Variants in TMEM132B observed in about 807,000 individuals in gnomAD.
TMEM132B encodes the protein transmembrane protein 132B.
A neutral mutation model predicts 90.8 loss-of-function variants in TMEM132B; 18 were observed. The ratio of observed to expected loss-of-function variants is 0.20; its 90% CI spans 0.14 to 0.29. The LOEUF is 0.29. TMEM132B is among the 10% of genes least tolerant of loss of function. TMEM132B has a pLI of 1.00. For missense variants in TMEM132B, 1,096 were observed against 1,326.8 expected (o/e 0.83, Z 2.70); for synonymous variants, 504 against 523.3 (o/e 0.96, Z 0.50).
At chr12:125,521,783 G>C (rs1883313295) in intron 4 of TMEM132B, among the ~76,000 whole-genome samples, 1 of 152,164 alleles carries the variant, frequency 6.6e-6, no homozygotes, top group Non-Finnish European at 1.5e-5. Flanking sequence ...GAATTACCTG[G>C]CTTCTGCCTC....
At chr12:125,264,110 G>A (rs2136112537) in intron 1 of TMEM132B, among the ~76,000 whole-genome samples, 1 of 152,274 alleles carries the variant, frequency 6.6e-6, no homozygotes, top group East Asian at 1.9e-4. Context: ...GCTTTTTCCA[G>A]CTTCTAGAGG....
At chr12:125,538,938 A>G (rs1592982137) in intron 4 of TMEM132B, among the ~76,000 whole-genome samples, 1 of 152,036 alleles carries the variant, frequency 6.6e-6, no homozygotes, top group Non-Finnish European at 1.5e-5. Flanking sequence ...TCCAAAATAT[A>G]CCCAGAGTTC....
rs546284406 is a variant in TMEM132B, at chr12:125,435,177, T to A, written c.1106+19500T>A. Among the ~76,000 whole-genome samples the A allele has an allele frequency of 2.0e-5, 3 of 152,228 alleles. No homozygotes were observed. In the South Asian group the frequency reaches 6.2e-4, roughly 32 times the overall value. Reference sequence around the variant, plus strand: ...TCCAAAATGAAACTGAGGACTGAAATGTGTGACCGTGAAACCCCCATCTCA... The same window carrying A: ...TCCAAAATGAAACTGAGGACTGAAAAGTGTGACCGTGAAACCCCCATCTCA... On this transcript the variant is annotated intron_variant, in intron 3 of 8. Coordinates refer to ENST00000682704, the MANE Select transcript of TMEM132B (RefSeq NM_001366854.1).
chr12:125,639,089 G>A (rs1201721621), intron 5 of TMEM132B, among the ~76,000 whole-genome samples: 1 of 152,172 alleles, frequency 6.6e-6, no homozygotes, highest in Admixed American at 6.5e-5. Context: ...GAAGGTATCA[G>A]TTAGATGAAT....
intron 3 of TMEM132B, among the ~76,000 whole-genome samples, chr12:125,517,326 GATTTTTTTTTTTTTTTTTTTTTT>G (rs1433404269): frequency 0.25 from 21,769 of 87,998 alleles, 2,902 homozygotes; most frequent in Non-Finnish European, 0.34. Flanking sequence ...ATGCCCTGCT[GATTTTTTTTTTTTTTTTTTTTTT>G]TTTTTTTTTT....
At chr12:125,334,340 C>G (rs1272312877) in intron 1 of TMEM132B, among the ~76,000 whole-genome samples, 1 of 152,158 alleles carries the variant, frequency 6.6e-6, no homozygotes, top group Non-Finnish European at 1.5e-5. Context: ...CTCATCTCAC[C>G]TCTTGATACT....
rs562016461 is a variant in TMEM132B at position 125,450,510 on chromosome 12, G to A, written c.1106+34833G>A. On this transcript the variant is annotated intron_variant, in intron 3 of 8. Coordinates refer to ENST00000682704, the MANE Select transcript of TMEM132B (RefSeq NM_001366854.1). ...TAAGCACATAAATAAATCGTGATAG[G>A]AGAGTGACTTTTTGGCTTTCTCTTG... is the stretch of plus-strand genomic sequence containing the variant. Among the ~76,000 whole-genome samples the A allele has an allele frequency of 4.6e-5, 7 of 152,098 alleles. No homozygotes were observed. The South Asian group carries it at 1.2e-3, about 27-fold the overall frequency.
intron 1 of TMEM132B, among the ~76,000 whole-genome samples, chr12:125,310,519 A>G (rs971028906): frequency 2.0e-5 from 3 of 152,104 alleles, no homozygotes; most frequent in Non-Finnish European, 4.4e-5. Context: ...CAGCAGGGAA[A>G]CTTGGGCTTG....
intron 4 of TMEM132B, among the ~76,000 whole-genome samples, chr12:125,570,795 T>C (rs1156810310): frequency 2.0e-5 from 3 of 152,126 alleles, no homozygotes; most frequent in Non-Finnish European, 2.9e-5. Context: ...AAATCAGAAG[T>C]CAAGGTGTCT....
intron 1 of TMEM132B, among the ~76,000 whole-genome samples, chr12:125,249,787 T>G (rs189969971): frequency 6.6e-6 from 1 of 152,354 alleles, no homozygotes. Flanking sequence ...GCTCGTGGTC[T>G]GACAATGGGA....
chr12:125,347,778 T>C (rs1454288705), intron 1 of TMEM132B, among the ~76,000 whole-genome samples: 1 of 152,232 alleles, frequency 6.6e-6, no homozygotes, highest in African/African-American at 2.4e-5. Flanking sequence ...CCCTGGTTCC[T>C]GGTGGGCTGT....
chr12:125,207,595 T>G (rs1478224266), intron 1 of TMEM132B, among the ~76,000 whole-genome samples: 1 of 152,138 alleles, frequency 6.6e-6, no homozygotes, highest in Non-Finnish European at 1.5e-5. Flanking sequence ...ATAACAAAAT[T>G]TACCATCTTA....
At position 125,277,524 on chromosome 12, in the gene TMEM132B, C is replaced by G. The variant is rs1875028300; in HGVS notation, c.68-71928C>G. Among the ~76,000 whole-genome samples, 1 of 151,302 alleles carries G rather than the reference C, an allele frequency of 6.6e-6. No homozygotes were observed. The highest frequency in any genetic ancestry group is 1.5e-5 in the Non-Finnish European group (1 of 67,864). Reference sequence around the variant, plus strand: ...GAGAACACACACACACACACACACACACACATACACACACACACGGGAAGG... The same window carrying G: ...GAGAACACACACACACACACACACAGACACATACACACACACACGGGAAGG... On this transcript the variant is annotated intron_variant, in intron 1 of 8. Transcript: ENST00000682704. The surrounding 1 kb of genome is among the most constrained non-coding windows in gnomAD (Gnocchi z 4.3).
At chr12:125,577,864 G>C (rs944680313) in intron 4 of TMEM132B, among the ~76,000 whole-genome samples, 6 of 151,834 alleles carry the variant, frequency 4.0e-5, no homozygotes, top group Admixed American at 3.9e-4. Context: ...TTGAAACATT[G>C]GTTGTTTAAA....
chr12:125,393,286 T>C (rs1879078745), intron 2 of TMEM132B, among the ~76,000 whole-genome samples: 1 of 152,226 alleles, frequency 6.6e-6, no homozygotes, highest in East Asian at 1.9e-4. Context: ...GTGGGAATGA[T>C]ACAAAAACCT....
At chr12:125,402,925 C>T (rs978783313) in intron 2 of TMEM132B, among the ~76,000 whole-genome samples, 13 of 152,212 alleles carry the variant, frequency 8.5e-5, no homozygotes, top group African/African-American at 2.6e-4. Context: ...GGTTCCTGCT[C>T]ATTGGCCCCT....
At chr12:125,448,433 G>C (rs1881062401) in intron 3 of TMEM132B, among the ~76,000 whole-genome samples, 1 of 152,108 alleles carries the variant, frequency 6.6e-6, no homozygotes, top group Non-Finnish European at 1.5e-5. Flanking sequence ...TTTATAGATT[G>C]AATGGATCTT....
At chr12:125,232,149 T>C (rs1161614884) in intron 1 of TMEM132B, among the ~76,000 whole-genome samples, 1 of 152,216 alleles carries the variant, frequency 6.6e-6, no homozygotes, top group East Asian at 1.9e-4. Flanking sequence ...TTATAATTTA[T>C]TTTAAAAAAT....
Position 125,406,446 on chromosome 12 carries a change from AC to A in TMEM132B, c.960-9083del, listed in dbSNP as rs962321583. 6.6e-6 allele frequency among the ~76,000 whole-genome samples: 1 copy of A among 152,170 alleles called. No individual in the cohort carries two copies. The highest frequency in any genetic ancestry group is 1.5e-5 in the Non-Finnish European group (1 of 68,022). On this transcript the variant is annotated intron_variant, in intron 2 of 8. Coordinates refer to ENST00000682704, the MANE Select transcript of TMEM132B (RefSeq NM_001366854.1). The surrounding 1 kb of genome is among the most constrained non-coding windows in gnomAD (Gnocchi z 8.3). ...GTTCTTTTTCTACTGTGAAATGGGT[AC>A]CGGGGAAAGGTGAGCCACAGTCTCA... is the stretch of plus-strand genomic sequence containing the variant.
Sources: gnomAD v4.1 joint callset for allele counts (sites outside exome capture counted in the v4.1 genomes callset) on GRCh38, gnomAD v4.1.1 for gene constraint, Gnocchi (gnomAD v3.1) non-coding constraint, MANE v1.5 for transcripts, NCBI Gene and HGNC (gene_info 2026-07-23, HGNC 2026-07-21) for gene names.